AGAP2: variants seen among roughly 807,000 people sequenced by gnomAD.
AGAP2 encodes the protein ArfGAP with GTPase domain, ankyrin repeat and PH domain 2, also known as arf-GAP with GTPase, ANK repeat and PH domain-containing protein 2.
A neutral mutation model predicts 110.9 loss-of-function variants in AGAP2; 32 were observed. That is an observed-to-expected ratio of 0.29 (90% CI 0.22 to 0.39). The LOEUF (loss-of-function observed/expected upper bound fraction) is 0.39. Among genes scored for constraint, AGAP2 ranks in the 10% least tolerant of loss-of-function variants. The pLI, the probability that AGAP2 is intolerant of heterozygous loss-of-function variation, is 1.00. For missense variants in AGAP2, 1,285 were observed against 1,638.5 expected (o/e 0.78, Z 3.72); for synonymous variants, 702 against 713.0 (o/e 0.98, Z 0.25).
chr12:57,741,360 T>C (rs1955074494), upstream of AGAP2, among the ~76,000 whole-genome samples: 1 of 152,170 alleles, frequency 6.6e-6, no homozygotes, highest in African/African-American at 2.4e-5. Context: ...TGGGGACCTA[T>C]CTGCACTTTG....
Position 57,729,633 on chromosome 12 carries a change from C to A in AGAP2, c.2557+6G>T. Reference sequence around the variant, plus strand: ...GTGGGAGTGGAAGTGCCTGCCAGAGCCTCACCTTCAGCCTGCCCAGCCGAG... The same window carrying A: ...GTGGGAGTGGAAGTGCCTGCCAGAGACTCACCTTCAGCCTGCCCAGCCGAG... On this transcript the variant is annotated splice_donor_region_variant and intron_variant, in intron 13 of 18. Transcript: ENST00000547588. 1 of 1,610,440 alleles carries A rather than the reference C, an allele frequency of 6.2e-7. No homozygotes were observed. The highest frequency in any genetic ancestry group is 1.1e-5 in the South Asian group (1 of 90,784).
Position 57,727,516 on chromosome 12 carries a change from T to G in AGAP2, c.2924A>C (p.Asn975Thr). The G allele has an allele frequency of 6.2e-7, 1 of 1,612,584 alleles. No homozygotes were observed. The highest frequency in any genetic ancestry group is 8.5e-7 in the Non-Finnish European group (1 of 1,179,696). Residue 975 changes from asparagine (N) to threonine (T), a missense_variant, in exon 17 of 19, where the codon AAC becomes ACC. This residue lies in a region of AGAP2 where 17 missense variants were observed against 56.4 expected (regional missense o/e 0.30). Transcript: ENST00000547588. ...ICIECSGIHRNLGTHLSRVRS... is the reference protein window; with the variant it reads ...ICIECSGIHRTLGTHLSRVRS... ...AACGCGGGACAGGTGTGTGCCCAGGTTGCGGTGGATGCCAGAACACTCGAT... is the reference window on the plus strand; with the variant it reads ...AACGCGGGACAGGTGTGTGCCCAGGGTGCGGTGGATGCCAGAACACTCGAT...
intron 5 of AGAP2, 63 bp from the exon 6 acceptor site, chr12:57,733,042 T>C: frequency 6.2e-7 from 1 of 1,603,062 alleles, no homozygotes; most frequent in Non-Finnish European, 8.5e-7. Flanking sequence ...TTTTTCACAA[T>C]TCCCTTATCC....
Position 57,731,887 on chromosome 12 carries a change from G to T in AGAP2, c.1875C>A (p.Ala625=). 1.2e-6 allele frequency: 2 copies of T among 1,612,118 alleles called. No homozygotes were observed. The highest frequency in any genetic ancestry group is 1.7e-6 in the Non-Finnish European group (2 of 1,179,304). ...TCAATCCAGCCACTGCAGCTGCCTC[G>T]GCTCGGAGCTCCCGGTGACCAACAT... ...SPNVGHRELR[A]EAAAVAGLST... Residue 625 remains alanine, a synonymous_variant, in exon 8 of 19, where the codon GCC becomes GCA. Coordinates refer to ENST00000547588, the MANE Select transcript of AGAP2 (RefSeq NM_001122772.3).
Position 57,738,532 on chromosome 12 carries a change from T to G in AGAP2, c.-286A>C, listed in dbSNP as rs1000198141. 6.6e-6 allele frequency among the ~76,000 whole-genome samples: 1 copy of G among 150,480 alleles called. No homozygotes were observed. Among genetic ancestry groups the G allele is most frequent in the Non-Finnish European group, 1.5e-5 (1 of 67,408 alleles). On this transcript the variant is annotated 5_prime_UTR_variant, in exon 1 of 19. Coordinates refer to ENST00000547588, the MANE Select transcript of AGAP2 (RefSeq NM_001122772.3). This position sits in a 1 kb window ranked among gnomAD's most constrained non-coding sequence, Gnocchi z 6.7. ...GCGCGCCGGACCGTCCACCCCGGCC[T>G]GGGTGGGGGCGCTGAGATGGGTGGG...
Position 57,727,999 on chromosome 12 carries a change from C to T in AGAP2, c.2704G>A (p.Val902Ile). Reference protein sequence around the residue: ...AASFEERDAWVQAIESQILAS... With the variant: ...AASFEERDAWIQAIESQILAS... ...AGGATCTGACTCTCGATGGCCTGGA[C>T]CCAGGCATCCCGCTCCTCAAAACTG... The change falls in exon 15 of 19, where the codon GTC (valine) becomes ATC (isoleucine). Residue 902 changes from valine to isoleucine, a missense_variant. This residue lies in a region of AGAP2 where 25 missense variants were observed against 67.5 expected (regional missense o/e 0.37). Transcript: ENST00000547588. The T allele has an allele frequency of 6.2e-7, 1 of 1,614,104 alleles. No homozygotes were observed. Among genetic ancestry groups the T allele is most frequent in the East Asian group, 2.2e-5 (1 of 44,878 alleles).
rs1408911514 is a variant in AGAP2 at position 57,737,838 on chromosome 12, G to A, written c.409C>T (p.Pro137Ser). The A allele has an allele frequency of 2.0e-6, 3 of 1,475,970 alleles. No homozygotes were observed. Among genetic ancestry groups the A allele is most frequent in the Non-Finnish European group, 2.7e-6 (3 of 1,125,646 alleles). The allele number at this position is 1,475,970 out of a possible 1,614,324, so 91.4% of individuals were successfully genotyped here. A position where few individuals can be genotyped will look rare whatever the true frequency, so the allele number is the denominator to read the frequency against. ...AGCAGGGGGCGCCGGGAGGAGGTGG[G>A]GGCGCCCCCAGGCTTGGGGTCGGGG... ...LSPDPKPGGA[P>S]TSSRRPLLSS... Residue 137 changes from proline (P) to serine (S), a missense_variant, in exon 1 of 19, where the codon CCC becomes TCC. Physicochemically the swap from Pro to Ser is moderately conservative, Grantham distance 74 (BLOSUM62 -1). Transcript: ENST00000547588. This position sits in a 1 kb window ranked among gnomAD's most constrained non-coding sequence, Gnocchi z 5.9.
upstream of AGAP2, among the ~76,000 whole-genome samples, chr12:57,740,979 G>A (rs1017706010): frequency 6.6e-6 from 1 of 152,202 alleles, no homozygotes; most frequent in Non-Finnish European, 1.5e-5. Context: ...TGAAATGGCT[G>A]GAAGAGATCA....
At chr12:57,733,667 G>A (rs1025984611) in intron 5 of AGAP2, among the ~76,000 whole-genome samples, 6 of 152,210 alleles carry the variant, frequency 3.9e-5, no homozygotes, top group Non-Finnish European at 7.3e-5. Flanking sequence ...TCGCAAAAAG[G>A]AAGATGGAAA....
intron 5 of AGAP2, among the ~76,000 whole-genome samples, chr12:57,733,452 C>T (rs965756837): frequency 6.6e-6 from 1 of 152,134 alleles, no homozygotes; most frequent in Non-Finnish European, 1.5e-5. Context: ...ACCAGCAGAA[C>T]AGGCATCCAG....
Position 57,727,521 on chromosome 12 carries a change from G to A in AGAP2, c.2919C>T (p.His973=), listed in dbSNP as rs758179910. The change falls in exon 17 of 19, where the codon CAC becomes CAT. Residue 973 remains histidine, a synonymous_variant. Coordinates refer to ENST00000547588, the MANE Select transcript of AGAP2 (RefSeq NM_001122772.3). ...GGGACAGGTGTGTGCCCAGGTTGCG[G>A]TGGATGCCAGAACACTCGATGCAGA... The part of the protein sequence containing the change: ...ALICIECSGI[H]RNLGTHLSRV... 3 of 1,612,734 alleles carry A rather than the reference G, an allele frequency of 1.9e-6. No individual in the cohort carries two copies. The highest frequency in any genetic ancestry group is 2.7e-5 in the African/African-American group (2 of 74,838).
At chr12:57,735,529 A>C (rs1595092752) in intron 1 of AGAP2, 102 bp from the exon 2 acceptor site, 1 of 1,035,764 alleles carries the variant, frequency 9.7e-7, no homozygotes, top group Non-Finnish European at 1.4e-6. Flanking sequence ...ACCCCCCCCC[A>C]ACCCTGCCTG....
chr12:57,729,229 A>C (rs2140355902), intron 13 of AGAP2, among the ~76,000 whole-genome samples: 1 of 151,062 alleles, frequency 6.6e-6, no homozygotes, highest in Non-Finnish European at 1.5e-5. Flanking sequence ...TTATTGGGAG[A>C]AGGGGCTGGG....
chr12:57,730,797 C>T lies in AGAP2; in HGVS notation c.2302G>A (p.Gly768Ser). ...KDMSTVQMGE[G>S]LEATTPMPSP... ...TGTCATAAACCTTACTCACCCAGGC[C>T]TTCACCCATCTGGACAGTGCTCATG... The change falls in exon 11 of 19, where the codon GGC becomes AGC. Residue 768 changes from glycine (G) to serine (S), a missense_variant. Around this residue, in one of 7 missense-constraint regions of AGAP2, gnomAD observed 135 missense variants for 182.0 expected, o/e 0.74. Coordinates refer to ENST00000547588, the MANE Select transcript of AGAP2 (RefSeq NM_001122772.3). The T allele has an allele frequency of 6.2e-7, 1 of 1,613,986 alleles. No homozygotes were observed. The highest frequency in any genetic ancestry group is 8.5e-7 in the Non-Finnish European group (1 of 1,180,032).
At position 57,737,784 on chromosome 12, in the gene AGAP2, G is replaced by C. The variant is rs1336301715; in HGVS notation, c.463C>G (p.Pro155Ala). 1.3e-6 allele frequency: 2 copies of C among 1,529,966 alleles called. No homozygotes were observed. Among genetic ancestry groups the C allele is most frequent in the Admixed American group, 2.0e-5 (1 of 50,648 alleles). The allele number at this position is 1,529,966 out of a possible 1,614,324, so 94.8% of individuals were successfully genotyped here. Residue 155 changes from proline (P) to alanine (A), a missense_variant, in exon 1 of 19, where the codon CCC (proline) becomes GCC (alanine). Physicochemically the swap from Pro to Ala is conservative, Grantham distance 27. This residue lies in a region of AGAP2 where 844 missense variants were observed against 941.2 expected (regional missense o/e 0.90). Coordinates refer to ENST00000547588, the MANE Select transcript of AGAP2 (RefSeq NM_001122772.3). This position sits in a 1 kb window ranked among gnomAD's most constrained non-coding sequence, Gnocchi z 5.9. ...LSSPSWGGPE[P>A]EGRAGGGIPG... ...ATGCCGCCGCCCGCCCGGCCTTCGGGCTCCGGGCCGCCCCAGCTCGGGCTG... is the reference window on the plus strand; with the variant it reads ...ATGCCGCCGCCCGCCCGGCCTTCGGCCTCCGGGCCGCCCCAGCTCGGGCTG...
At position 57,733,616 on chromosome 12, in the gene AGAP2, T is replaced by C. The variant is rs543434428; in HGVS notation, c.1549+410A>G. ...TTTCCTTTGTGTTTTCACTTTGTTT[T>C]TGGATAAGTTCCTTTAAAAGGTGTC... On this transcript the variant is annotated intron_variant, in intron 5 of 18. Coordinates refer to ENST00000547588, the MANE Select transcript of AGAP2 (RefSeq NM_001122772.3). 4.1e-4 allele frequency among the ~76,000 whole-genome samples: 63 copies of C among 152,336 alleles called. No individual in the cohort carries two copies. The South Asian group carries it at 0.012, about 30-fold the overall frequency.
Position 57,731,906 on chromosome 12 carries a change from C to T in AGAP2, c.1856G>A (p.Gly619Asp), listed in dbSNP as rs1248647381. 6.2e-7 allele frequency: 1 copy of T among 1,613,158 alleles called. No homozygotes were observed. Among genetic ancestry groups the T allele is most frequent in the African/African-American group, 1.3e-5 (1 of 74,880 alleles). Residue 619 changes from glycine (G) to aspartate (D), a missense_variant, in exon 8 of 19, where the codon GGT (glycine) becomes GAT (aspartate). Gly to Asp is a moderately conservative substitution (Grantham distance 94, BLOSUM62 -1). Around this residue, in one of 7 missense-constraint regions of AGAP2, gnomAD observed 844 missense variants for 941.2 expected, o/e 0.90. Coordinates refer to ENST00000547588, the MANE Select transcript of AGAP2 (RefSeq NM_001122772.3). ...TGCCTCGGCTCGGAGCTCCCGGTGA[C>T]CAACATTCGGTGAGGACGGGAGGGA... ...SSSLPSSPNVGHRELRAEAAA... is the reference protein window; with the variant it reads ...SSSLPSSPNVDHRELRAEAAA...
intron 1 of AGAP2, among the ~76,000 whole-genome samples, chr12:57,736,382 T>C (rs1198866473): frequency 6.6e-6 from 1 of 152,186 alleles, no homozygotes; most frequent in Non-Finnish European, 1.5e-5. Flanking sequence ...GGGGTACGGA[T>C]TGCCTTTGCA....
At chr12:57,738,770 G>C (rs1257018821), upstream of AGAP2, among the ~76,000 whole-genome samples, 1 of 151,708 alleles carries the variant, frequency 6.6e-6, no homozygotes, top group Non-Finnish European at 1.5e-5. The surrounding 1 kb of genome is among the most constrained non-coding windows in gnomAD (Gnocchi z 6.7). Flanking sequence ...GGATTCGCAG[G>C]GGCGCGGGGA....
Sources: gnomAD v4.1 joint callset for allele counts (sites outside exome capture counted in the v4.1 genomes callset) on GRCh38, gnomAD v4.1.1 for gene constraint, gnomAD v4.1.1 regional missense constraint, Gnocchi (gnomAD v3.1) non-coding constraint, MANE v1.5 for transcripts, NCBI Gene and HGNC (gene_info 2026-07-23, HGNC 2026-07-21) for gene names.